The following NUP155 variants were observed in gnomAD, a reference collection of about 807,000 sequenced individuals.
NUP155 encodes the protein nucleoporin 155, also known as nuclear pore complex protein Nup155.
A neutral mutation model predicts 180.4 loss-of-function variants in NUP155; 71 were observed. The ratio of observed to expected loss-of-function variants is 0.39; its 90% CI spans 0.33 to 0.48. The LOEUF is 0.48. Among genes scored for constraint, NUP155 ranks in the 20% least tolerant of loss-of-function variants. The pLI is 0.91. For synonymous variants in NUP155, 582 were observed against 559.5 expected (o/e 1.04, Z -0.57); for missense variants, 1,553 against 1,648.9 (o/e 0.94, Z 1.01).
intron 4 of NUP155, among the ~76,000 whole-genome samples, chr5:37,354,599 C>G (rs1016660883): frequency 1.3e-5 from 2 of 151,200 alleles, no homozygotes; most frequent in African/African-American, 2.4e-5. Context: ...GCTGGGACTA[C>G]AGGCATGCAC....
rs779418989 is a variant in NUP155, at chr5:37,342,530, T to C, written c.1093+19A>G. 1.1e-5 allele frequency: 17 copies of C among 1,487,934 alleles called. No individual in the cohort carries two copies. The highest frequency in any genetic ancestry group is 5.5e-5 in the African/African-American group (4 of 72,422). 92.2% of individuals were successfully genotyped at this position (1,487,934 alleles called of 1,614,324 possible). A position where few individuals can be genotyped will look rare whatever the true frequency, so the allele number is the denominator to read the frequency against. On this transcript the variant is annotated intron_variant, in intron 10 of 34. Coordinates refer to ENST00000231498, the MANE Select transcript of NUP155 (RefSeq NM_153485.3). Reference sequence around the variant, plus strand: ...GAAGTTGTAACAGTAATAGCAGATATGTAAATAAAACAACATACCTGCATG... The same window carrying C: ...GAAGTTGTAACAGTAATAGCAGATACGTAAATAAAACAACATACCTGCATG...
chr5:37,320,170 AAG>A (rs942507105), intron 20 of NUP155, among the ~76,000 whole-genome samples: 1 of 151,916 alleles, frequency 6.6e-6, no homozygotes, highest in African/African-American at 2.4e-5. Context: ...AAGAAAAAAA[AAG>A]AGAAAAGACA....
At chr5:37,317,061 C>T (rs999486243) in intron 21 of NUP155, among the ~76,000 whole-genome samples, 1 of 151,102 alleles carries the variant, frequency 6.6e-6, no homozygotes, top group Non-Finnish European at 1.5e-5. Flanking sequence ...CCCAGCTACT[C>T]AGAAGGCTGA....
intron 12 of NUP155, among the ~76,000 whole-genome samples, chr5:37,334,028 C>T (rs1365870377): frequency 2.6e-5 from 4 of 151,062 alleles, no homozygotes; most frequent in Admixed American, 2.0e-4. Context: ...CTTGAACTCT[C>T]GACCTCAGGT....
chr5:37,309,079 GT>G (rs776603001), intron 24 of NUP155, 49 bp downstream of exon 24: 2 of 1,588,460 alleles, frequency 1.3e-6, no homozygotes, highest in African/African-American at 1.3e-5. Context: ...ATACACTATT[GT>G]TTGTCTTTTG....
intron 21 of NUP155, among the ~76,000 whole-genome samples, chr5:37,316,757 G>A (rs1363495168): frequency 1.3e-5 from 2 of 152,082 alleles, no homozygotes; most frequent in South Asian, 2.1e-4. Flanking sequence ...GAGCCACTGC[G>A]CCCAGCCCAG....
Position 37,341,186 on chromosome 5 carries a change from T to C in NUP155, c.1150A>G (p.Thr384Ala). The C allele has an allele frequency of 1.2e-6, 2 of 1,613,996 alleles. No homozygotes were observed. The highest frequency in any genetic ancestry group is 1.7e-6 in the Non-Finnish European group (2 of 1,179,836). Reference sequence around the variant, plus strand: ...AAGCGGACATGAACCAGCGTCAGTGTATTAGGCCGTGCTAATGGCTGTCTG... The same window carrying C: ...AAGCGGACATGAACCAGCGTCAGTGCATTAGGCCGTGCTAATGGCTGTCTG... ...PFRQPLARPN[T>A]LTLVHVRLPP... Residue 384 changes from threonine to alanine, a missense_variant, in exon 11 of 35, where the codon ACA (threonine) becomes GCA (alanine). Physicochemically the swap from Thr to Ala is moderately conservative, Grantham distance 58. Coordinates refer to ENST00000231498, the MANE Select transcript of NUP155 (RefSeq NM_153485.3).
chr5:37,331,704 C>A lies in NUP155; in HGVS notation c.1610G>T (p.Arg537Ile). The A allele has an allele frequency of 1.9e-6, 3 of 1,596,932 alleles. No homozygotes were observed. Among genetic ancestry groups the A allele is most frequent in the Non-Finnish European group, 2.6e-6 (3 of 1,166,624 alleles). Residue 537 changes from arginine to isoleucine, a missense_variant, in exon 14 of 35, where the codon AGA (arginine) becomes ATA (isoleucine). Coordinates refer to ENST00000231498, the MANE Select transcript of NUP155 (RefSeq NM_153485.3). ...AATTACCTGATGTAATTTAAAGAAT[C>A]TTTCAATCTCTTCTCCATCTCCTCC... ...NVGGDGEEIE[R>I]FFKLHQEDQA...
chr5:37,336,863 A>G (rs1251438233), intron 12 of NUP155, among the ~76,000 whole-genome samples: 1 of 152,124 alleles, frequency 6.6e-6, no homozygotes, highest in Non-Finnish European at 1.5e-5. Context: ...ACCTTTTTCC[A>G]GTCCCATCTG....
chr5:37,305,711 C>A (rs988357609), intron 25 of NUP155, among the ~76,000 whole-genome samples: 1 of 151,170 alleles, frequency 6.6e-6, no homozygotes, highest in African/African-American at 2.4e-5. Flanking sequence ...CAAAACAAAA[C>A]GAAACAAAAA....
rs994866746 is a variant in NUP155 at position 37,309,553 on chromosome 5, GATTT to G, written c.2629-290_2629-287del. ...GGCAGCAGGCAGTCCATGTGACACT[GATTT>G]ATTTATTTTTTCCACCTGTAGGAAA... On this transcript the variant is annotated intron_variant, in intron 23 of 34. Coordinates refer to ENST00000231498, the MANE Select transcript of NUP155 (RefSeq NM_153485.3). The G allele has an allele frequency of 1.3e-5, 4 of 304,862 alleles. No homozygotes were observed. The Admixed American group carries it at 1.4e-4, about 10-fold the overall frequency. 18.9% of individuals were successfully genotyped at this position (304,862 alleles called of 1,614,324 possible).
intron 8 of NUP155, 53 bp from the exon 9 acceptor site, chr5:37,348,649 T>C: frequency 3.0e-6 from 3 of 992,802 alleles, no homozygotes; most frequent in East Asian, 4.8e-5. Context: ...TATACACATA[T>C]TATTAAACTC....
chr5:37,304,172 C>T (rs929974158), intron 27 of NUP155, among the ~76,000 whole-genome samples: 3 of 147,520 alleles, frequency 2.0e-5, no homozygotes, highest in South Asian at 2.1e-4. Context: ...ATTGCTGGAA[C>T]CCGGGAGGCG....
At chr5:37,327,859 A>G in intron 17 of NUP155, 83 bp from the exon 18 acceptor site, 1 of 1,468,504 alleles carries the variant, frequency 6.8e-7, no homozygotes, top group Non-Finnish European at 9.5e-7. Context: ...TAGAACCCAT[A>G]AATCTCTTAA....
At chr5:37,296,818 C>G (rs919650467) in intron 32 of NUP155, among the ~76,000 whole-genome samples, 1 of 152,136 alleles carries the variant, frequency 6.6e-6, no homozygotes, top group Admixed American at 6.5e-5. Context: ...ATTTATTTGA[C>G]AGTTCTAACT....
intron 20 of NUP155, among the ~76,000 whole-genome samples, chr5:37,319,037 T>C (rs984765386): frequency 2.0e-5 from 3 of 152,196 alleles, no homozygotes; most frequent in Non-Finnish European, 2.9e-5. Context: ...GAATACATCC[T>C]ACCACATAAA....
In NUP155 at chr5:37,370,843, C is replaced by T; in HGVS notation, c.135G>A (p.Glu45=). The T allele has an allele frequency of 6.2e-7, 1 of 1,614,202 alleles. No homozygotes were observed. The highest frequency in any genetic ancestry group is 8.5e-7 in the Non-Finnish European group (1 of 1,180,042). The stretch of plus-strand genomic sequence containing the variant: ...CACTTGGGGCAGACACCATAAGCAG[C>T]TCGGAAAGGTCCGGGTACATGCGGT... The part of the protein sequence containing the change: ...QEDRMYPDLS[E]LLMVSAPNNP... The change falls in exon 1 of 35, where the codon GAG becomes GAA. Residue 45 remains glutamate (E), a synonymous_variant. Transcript: ENST00000231498.
At chr5:37,295,245 T>C (rs217813) in intron 32 of NUP155, among the ~76,000 whole-genome samples, 48,967 of 151,892 alleles carry the variant, frequency 0.32, 12,344 homozygotes, top group African/African-American at 0.71. Context: ...GACGGGGTTT[T>C]GCTGTGTTGG....
At chr5:37,368,208 C>CTTT (rs1747727974) in intron 1 of NUP155, among the ~76,000 whole-genome samples, 1 of 115,862 alleles carries the variant, frequency 8.6e-6, no homozygotes, top group African/African-American at 3.3e-5. Context: ...CAGCGCCAGG[C>CTTT]CTTTTTTTTT....
Sources: allele counts gnomAD v4.1 joint callset (sites outside exome capture counted in the v4.1 genomes callset), GRCh38; gene constraint gnomAD v4.1.1; transcripts MANE v1.5; gene names NCBI Gene and HGNC (gene_info 2026-07-23, HGNC 2026-07-21).